The following AK3 variants were observed in gnomAD, a reference collection of about 807,000 sequenced individuals.
AK3 encodes adenylate kinase 3, also known as GTP:AMP phosphotransferase AK3, mitochondrial.
In AK3, 27 loss-of-function variants were observed where a neutral mutation model predicts 23.7. The ratio of observed to expected loss-of-function variants is 1.14; its 90% CI spans 0.84 to 1.57. AK3 has a LOEUF of 1.57. Ranked by LOEUF, AK3 falls within the 40% of genes most tolerant of loss-of-function variation. The pLI is 0.00. For synonymous variants in AK3, 159 were observed against 116.0 expected (o/e 1.37, Z -2.38); for missense variants, 406 against 285.6 (o/e 1.42, Z -3.04).
chr9:4,722,632 C>G lies in AK3; in HGVS notation c.152-7G>C. On this transcript the variant is annotated splice_region_variant and splice_polypyrimidine_tract_variant and intron_variant, in intron 1 of 4. Coordinates refer to ENST00000381809, the MANE Select transcript of AK3 (RefSeq NM_016282.4). ...TTGGCTAACACGCCAATTTCTACAG[C>G]AAAGCGGGGAAAAAAATCAGTAAGT... 6.2e-7 allele frequency: 1 copy of G among 1,614,012 alleles called. No homozygotes were observed. Among genetic ancestry groups the G allele is most frequent in the Non-Finnish European group, 8.5e-7 (1 of 1,179,954 alleles).
upstream of AK3, chr9:4,741,243 G>C: frequency 2.4e-6 from 2 of 819,958 alleles, no homozygotes; most frequent in Non-Finnish European, 3.4e-6. Context: ...GACAGCCCCT[G>C]GGGCCGCCCA....
intron 1 of AK3, among the ~76,000 whole-genome samples, chr9:4,733,430 G>T (rs970220691): frequency 1.3e-5 from 2 of 152,174 alleles, no homozygotes; most frequent in Admixed American, 6.5e-5. Context: ...GAACGGGAGG[G>T]CCCCCAAAGT....
At chr9:4,734,458 A>T (rs1842224164) in intron 1 of AK3, among the ~76,000 whole-genome samples, 1 of 152,182 alleles carries the variant, frequency 6.6e-6, no homozygotes, top group African/African-American at 2.4e-5. Flanking sequence ...ACTACCTAGC[A>T]CATATCTGAT....
chr9:4,727,838 C>G (rs539425046), intron 1 of AK3, among the ~76,000 whole-genome samples: 13 of 152,166 alleles, frequency 8.5e-5, no homozygotes, highest in Non-Finnish European at 1.5e-4. Context: ...GTGCCACTCT[C>G]TTCCTTTAAC....
chr9:4,733,316 C>T (rs1307125844), intron 1 of AK3, among the ~76,000 whole-genome samples: 1 of 139,516 alleles, frequency 7.2e-6, no homozygotes, highest in East Asian at 2.3e-4. Context: ...GATAGCTTTA[C>T]ACCCAATCAA....
At chr9:4,729,978 C>G (rs773640866) in intron 1 of AK3, among the ~76,000 whole-genome samples, 4 of 151,986 alleles carry the variant, frequency 2.6e-5, no homozygotes, top group Non-Finnish European at 5.9e-5. Flanking sequence ...TATATCAAGA[C>G]AGTGGAATAT....
chr9:4,722,658 G>T (rs757805581), intron 1 of AK3, 33 bp from the exon 2 acceptor site: 1 of 1,613,754 alleles, frequency 6.2e-7, no homozygotes, highest in Non-Finnish European at 8.5e-7. Context: ...ATCAGTAAGT[G>T]CATTTGTTTT....
intron 1 of AK3, 86 bp from the exon 2 acceptor site, chr9:4,722,711 G>A: frequency 6.4e-7 from 1 of 1,559,618 alleles, no homozygotes; most frequent in South Asian, 1.2e-5. Flanking sequence ...TAAAGGGGAA[G>A]TCTGAATGGC....
intron 4 of AK3, among the ~76,000 whole-genome samples, chr9:4,714,157 TACACACACCTCCACAC>T (rs1841653130): frequency 2.1e-5 from 3 of 141,508 alleles, no homozygotes; most frequent in African/African-American, 9.0e-5. Context: ...CACCTCCACA[TACACACACCTCCACAC>T]ATACGCCTCC....
chr9:4,739,738 T>C (rs1842380215), intron 1 of AK3, among the ~76,000 whole-genome samples: 1 of 151,974 alleles, frequency 6.6e-6, no homozygotes, highest in Admixed American at 6.6e-5. Context: ...GGGACCAGCC[T>C]GGCTAACACA....
Position 4,711,302 on chromosome 9 carries a change from TAA to T in AK3, c.*1672_*1673del, listed in dbSNP as rs1475385883. The stretch of plus-strand genomic sequence containing the variant: ...GTTATGAAATTTCATTTTATTCTGA[TAA>T]AGACTAATATATGCTTGATAACCTA... On this transcript the variant is annotated 3_prime_UTR_variant, in exon 5 of 5. Coordinates refer to ENST00000381809, the MANE Select transcript of AK3 (RefSeq NM_016282.4). The T allele has an allele frequency of 2.0e-5, 3 of 152,684 alleles. No individual in the cohort carries two copies. Among genetic ancestry groups the T allele is most frequent in the Non-Finnish European group, 4.4e-5 (3 of 68,038 alleles). 9.5% of individuals were successfully genotyped at this position (152,684 alleles called of 1,614,324 possible).
chr9:4,731,241 G>C (rs557510318), intron 1 of AK3, among the ~76,000 whole-genome samples: 11 of 152,224 alleles, frequency 7.2e-5, no homozygotes, highest in Non-Finnish European at 1.3e-4. Flanking sequence ...GTATGCATTA[G>C]TTATTTTTCC....
chr9:4,713,096 CCTAAAGATGAAA>C lies in AK3; in HGVS notation c.564-12_564-1del. 1.9e-6 allele frequency: 3 copies of C among 1,612,840 alleles called. No homozygotes were observed. Among genetic ancestry groups the C allele is most frequent in the Non-Finnish European group, 2.5e-6 (3 of 1,179,400 alleles). ...AGAATGTTTCCAGCACCCCTTTTTT[CCTAAAGATGAAA>C]CAAAAACAAAACAAACACACACAGG... On this transcript the variant is annotated splice_acceptor_variant and splice_polypyrimidine_tract_variant and intron_variant, in intron 4 of 4. Coordinates refer to ENST00000381809, the MANE Select transcript of AK3 (RefSeq NM_016282.4). LOFTEE classifies it high-confidence loss of function.
chr9:4,739,878 C>T (rs1277817246), intron 1 of AK3, among the ~76,000 whole-genome samples: 2 of 151,888 alleles, frequency 1.3e-5, no homozygotes. Context: ...GAGCAAGACT[C>T]CGTCTCAAAA....
chr9:4,738,020 T>C (rs1842337191), intron 1 of AK3, among the ~76,000 whole-genome samples: 1 of 152,214 alleles, frequency 6.6e-6, no homozygotes, highest in African/African-American at 2.4e-5. Flanking sequence ...AATTCCATAC[T>C]AGGAATTTAT....
chr9:4,737,654 G>C (rs1410397877), intron 1 of AK3, among the ~76,000 whole-genome samples: 1 of 152,212 alleles, frequency 6.6e-6, no homozygotes, highest in Non-Finnish European at 1.5e-5. Flanking sequence ...AGGAGTCGGA[G>C]GTCGCAGTAA....
At chr9:4,740,225 C>T (rs1003536335) in intron 1 of AK3, among the ~76,000 whole-genome samples, 2 of 152,152 alleles carry the variant, frequency 1.3e-5, no homozygotes, top group Non-Finnish European at 1.5e-5. Flanking sequence ...TCAAAAACAA[C>T]CCTCTTAAGA....
chr9:4,730,554 G>A (rs1486150079), intron 1 of AK3, among the ~76,000 whole-genome samples: 3 of 152,172 alleles, frequency 2.0e-5, no homozygotes, highest in Non-Finnish European at 4.4e-5. Context: ...AGTGAGCCAT[G>A]ACCGCACTAC....
At chr9:4,739,340 G>A (rs1342475439) in intron 1 of AK3, among the ~76,000 whole-genome samples, 1 of 151,570 alleles carries the variant, frequency 6.6e-6, no homozygotes, top group Non-Finnish European at 1.5e-5. Context: ...ACAGGTGCCT[G>A]CCACTGCGCC....
Sources: allele counts gnomAD v4.1 joint callset (sites outside exome capture counted in the v4.1 genomes callset), GRCh38; gene constraint gnomAD v4.1.1; transcripts MANE v1.5; gene names NCBI Gene and HGNC (gene_info 2026-07-23, HGNC 2026-07-21).